Variants in EXOC4 observed in about 807,000 individuals in gnomAD.
EXOC4 encodes exocyst complex component 4.
In EXOC4, 71 loss-of-function variants were observed where a neutral mutation model predicts 107.2. The ratio of observed to expected loss-of-function variants is 0.66; its 90% CI spans 0.55 to 0.81. The LOEUF is 0.81. Among genes scored for constraint, EXOC4 ranks in the 30% least tolerant of loss-of-function variants. EXOC4 has a pLI of 0.00. For synonymous variants in EXOC4, 456 were observed against 441.2 expected (o/e 1.03, Z -0.42); for missense variants, 1,108 against 1,189.6 (o/e 0.93, Z 1.01).
chr7:133,847,330 G>A (rs1213482049), intron 11 of EXOC4, among the ~76,000 whole-genome samples: 1 of 151,746 alleles, frequency 6.6e-6, no homozygotes, highest in African/African-American at 2.4e-5. Context: ...AGCAGCAAGG[G>A]CAATTTTTCT....
At chr7:133,904,461 A>T (rs1799524597) in intron 12 of EXOC4, among the ~76,000 whole-genome samples, 1 of 152,182 alleles carries the variant, frequency 6.6e-6, no homozygotes, top group Non-Finnish European at 1.5e-5. Flanking sequence ...CTACTCTGGA[A>T]CATGGCCATT....
At chr7:134,087,653 C>T in the EXOC4 span, among the ~76,000 whole-genome samples, 1 of 152,148 alleles carries the variant, frequency 6.6e-6, no homozygotes, top group Non-Finnish European at 1.5e-5. Flanking sequence ...TTACCCATGC[C>T]TCTTGTTTCT....
chr7:133,591,934 A>G (rs999901370), intron 9 of EXOC4, among the ~76,000 whole-genome samples: 1 of 152,140 alleles, frequency 6.6e-6, no homozygotes, highest in Non-Finnish European at 1.5e-5. Context: ...TGCTGAGCTA[A>G]ACAGTTTTTG....
At chr7:133,664,396 G>A (rs2430769) in intron 10 of EXOC4, among the ~76,000 whole-genome samples, 65,109 of 151,818 alleles carry the variant, frequency 0.43, 14,887 homozygotes, top group Admixed American at 0.57. Flanking sequence ...GCCTAAAATA[G>A]AGTGGTTGAG....
At chr7:133,868,098 C>A (rs1029820776) in intron 11 of EXOC4, among the ~76,000 whole-genome samples, 47 of 152,208 alleles carry the variant, frequency 3.1e-4, no homozygotes, top group African/African-American at 1.1e-3. Flanking sequence ...TCAAAGAGAT[C>A]CTTTTTATTT....
chr7:133,400,926 G>T (rs544023814), intron 7 of EXOC4, among the ~76,000 whole-genome samples: 1 of 152,326 alleles, frequency 6.6e-6, no homozygotes, highest in Admixed American at 6.5e-5. Flanking sequence ...AAATGAAAAG[G>T]TATGAGACCT....
At chr7:133,366,029 T>G (rs1796243617) in intron 6 of EXOC4, among the ~76,000 whole-genome samples, 1 of 152,138 alleles carries the variant, frequency 6.6e-6, no homozygotes, top group African/African-American at 2.4e-5. Flanking sequence ...CAGAACTAAT[T>G]CTTCTATCTT....
chr7:133,724,576 G>A (rs1795176824), intron 10 of EXOC4, among the ~76,000 whole-genome samples: 1 of 152,010 alleles, frequency 6.6e-6, no homozygotes, highest in Non-Finnish European at 1.5e-5. Context: ...GGAACTTGCA[G>A]GGAAATACAG....
chr7:134,053,237 CAAAAA>C (rs59323264), intron 17 of EXOC4, among the ~76,000 whole-genome samples: 3 of 121,008 alleles, frequency 2.5e-5, no homozygotes, highest in African/African-American at 6.0e-5. Flanking sequence ...AACTCCATCT[CAAAAA>C]AAAAAAAAAA....
At chr7:133,315,361 G>C (rs188299886) in intron 4 of EXOC4, 10 of 152,218 alleles carry the variant, frequency 6.6e-5, no homozygotes, top group African/African-American at 1.9e-4. Flanking sequence ...CTCTCTTTTC[G>C]GTATTGTCGA....
chr7:133,731,088 TA>T (rs1795316521), intron 10 of EXOC4, among the ~76,000 whole-genome samples: 1 of 152,212 alleles, frequency 6.6e-6, no homozygotes, highest in African/African-American at 2.4e-5. Context: ...TCAAAAATAT[TA>T]GATTTCACCC....
intron 3 of EXOC4, among the ~76,000 whole-genome samples, chr7:133,303,814 G>A (rs1794694182): frequency 6.6e-6 from 1 of 152,180 alleles, no homozygotes; most frequent in South Asian, 2.1e-4. Flanking sequence ...CTCAAAGAAG[G>A]AAGGAACACT....
chr7:133,496,170 G>A (rs1799473609), intron 9 of EXOC4, among the ~76,000 whole-genome samples: 1 of 151,848 alleles, frequency 6.6e-6, no homozygotes, highest in African/African-American at 2.4e-5. Context: ...TTTTTTTTGA[G>A]ATGCGGTCTT....
intron 10 of EXOC4, among the ~76,000 whole-genome samples, chr7:133,760,834 CAA>C (rs1796017975): frequency 6.6e-6 from 1 of 151,842 alleles, no homozygotes; most frequent in Non-Finnish European, 1.5e-5. Context: ...TTCTGTGTAA[CAA>C]AAGTATTTCC....
rs559184258 is a variant in EXOC4, at chr7:133,332,474, G to T, written c.763+15084G>T. ...TGACCAAAATACAAAAATTAGCTGG[G>T]CATGGTGGTGCGTGCCTGTAATTCC... On this transcript the variant is annotated intron_variant, in intron 5 of 17. Coordinates refer to ENST00000253861, the MANE Select transcript of EXOC4 (RefSeq NM_021807.4). Among the ~76,000 whole-genome samples, 112 of 152,272 alleles carry T rather than the reference G, an allele frequency of 7.4e-4. 1 individual carries two copies. The highest frequency in any genetic ancestry group is 2.5e-3 in the African/African-American group (103 of 41,554).
intron 3 of EXOC4, among the ~76,000 whole-genome samples, chr7:133,303,824 T>G (rs1024501088): frequency 1.3e-5 from 2 of 152,254 alleles, no homozygotes; most frequent in Non-Finnish European, 2.9e-5. Context: ...GAAGGAACAC[T>G]TACTGAAATT....
At chr7:133,779,896 A>G (rs1485596010) in intron 10 of EXOC4, among the ~76,000 whole-genome samples, 1 of 152,168 alleles carries the variant, frequency 6.6e-6, no homozygotes, top group Non-Finnish European at 1.5e-5. Flanking sequence ...ATTTATTGTG[A>G]AGAGGGAATG....
chr7:133,746,526 G>A (rs993168600), intron 10 of EXOC4, among the ~76,000 whole-genome samples: 16 of 152,116 alleles, frequency 1.1e-4, no homozygotes, highest in African/African-American at 3.6e-4. Flanking sequence ...CCTAAGGCTG[G>A]GTTACATGTA....
At chr7:133,664,913 ATG>A (rs1562898121) in intron 10 of EXOC4, among the ~76,000 whole-genome samples, 1 of 152,110 alleles carries the variant, frequency 6.6e-6, no homozygotes, top group Admixed American at 6.5e-5. Flanking sequence ...GGTCATTTTC[ATG>A]GTATCTTTTT....
Sources: gnomAD v4.1 joint callset for allele counts (sites outside exome capture counted in the v4.1 genomes callset) on GRCh38, gnomAD v4.1.1 for gene constraint, MANE v1.5 for transcripts, NCBI Gene and HGNC (gene_info 2026-07-23, HGNC 2026-07-21) for gene names.